TLR6: variants seen among roughly 807,000 people sequenced by gnomAD.
TLR6 encodes the protein toll like receptor 6.
Under a neutral mutation model 16.1 loss-of-function variants are expected in TLR6, and 9 were observed. The ratio of observed to expected loss-of-function variants is 0.56; its 90% confidence interval spans 0.34 to 0.98. The LOEUF (loss-of-function observed/expected upper bound fraction) is 0.98, where lower values mean the gene tolerates loss of function less well. TLR6 is among the 50% of genes least tolerant of loss of function. TLR6 has a pLI of 0.02. For missense variants in TLR6, 786 were observed against 921.0 expected (o/e 0.85, Z 1.90); for synonymous variants, 340 against 338.6 (o/e 1.00, Z -0.04).
exon 2 of TLR6, chr4:38,825,330 T>G (rs914717903): frequency 6.6e-6 from 1 of 152,260 alleles, no homozygotes; most frequent in African/African-American, 2.4e-5. Flanking sequence ...TTCAAAAATC[T>G]GCTTGGCCTT....
chr4:38,826,768 C>T (rs1252704600), exon 2 of TLR6: 1 of 196,826 alleles, frequency 5.1e-6, no homozygotes, highest in Non-Finnish European at 1.0e-5. Flanking sequence ...TGCCATGAAG[C>T]CATATAAACT....
At chr4:38,829,466 T>G in exon 2 of TLR6, 1 of 1,608,138 alleles carries the variant, frequency 6.2e-7, no homozygotes, top group Non-Finnish European at 8.5e-7. Flanking sequence ...TTCTTTGTCT[T>G]TGGTCATGAT....
At chr4:38,850,122 A>T (rs1165580952) in intron 1 of TLR6, among the ~76,000 whole-genome samples, 1 of 152,200 alleles carries the variant, frequency 6.6e-6, no homozygotes, top group Admixed American at 6.5e-5. Flanking sequence ...CCTGCTCCTG[A>T]ATGACTACTG....
chr4:38,842,853 T>TTC (rs1491221551), intron 1 of TLR6, among the ~76,000 whole-genome samples: 1 of 84,582 alleles, frequency 1.2e-5, no homozygotes, highest in Non-Finnish European at 2.9e-5. Flanking sequence ...TATACTGTGC[T>TTC]TTTTTTTTTT....
At position 38,827,663 on chromosome 4, in the gene TLR6, G is replaced by T. The variant is rs56039132; in HGVS notation, c.1811C>A (p.Ser604Tyr). The change falls in exon 2 of 2, where the codon TCC (serine) becomes TAC (tyrosine). Residue 604 changes from serine to tyrosine, a missense_variant. Coordinates refer to ENST00000436693, the Ensembl canonical transcript of TLR6. ...GGGCAGATCCAAGTAGATGCAGAGG[G>T]AGGTCACAGTCACAGCCAACACCAG... is the stretch of plus-strand genomic sequence containing the variant. The T allele has an allele frequency of 1.9e-5, 30 of 1,614,088 alleles. No homozygotes were observed. In the South Asian group the frequency reaches 3.1e-4, roughly 17 times the overall value.
At chr4:38,864,146 T>G in the TLR6 span, among the ~76,000 whole-genome samples, 1 of 152,226 alleles carries the variant, frequency 6.6e-6, no homozygotes, top group African/African-American at 2.4e-5. Flanking sequence ...TGACCACAGT[T>G]GGTCCTACCC....
intron 1 of TLR6, among the ~76,000 whole-genome samples, chr4:38,843,184 G>A (rs1475284666): frequency 6.6e-6 from 1 of 152,204 alleles, no homozygotes; most frequent in Admixed American, 6.5e-5. Flanking sequence ...CTGAGGCAGG[G>A]CGGCAGGTGC....
intron 1 of TLR6, among the ~76,000 whole-genome samples, chr4:38,854,884 T>A (rs1163147549): frequency 2.0e-5 from 3 of 152,108 alleles, no homozygotes; most frequent in Non-Finnish European, 4.4e-5. Flanking sequence ...TACTGTACTT[T>A]GAAAAAATGA....
At chr4:38,853,686 C>A (rs1289317530) in intron 1 of TLR6, among the ~76,000 whole-genome samples, 1 of 152,180 alleles carries the variant, frequency 6.6e-6, no homozygotes, top group African/African-American at 2.4e-5. Context: ...ACAATCATAG[C>A]TTAAGGTCCT....
exon 2 of TLR6, chr4:38,828,669 C>T (rs779923493): frequency 6.2e-7 from 1 of 1,614,140 alleles, no homozygotes; most frequent in Non-Finnish European, 8.5e-7. Context: ...AATTGAAAGA[C>T]TCTGACCAGG....
chr4:38,861,593 G>C (rs1379437738), upstream of TLR6, among the ~76,000 whole-genome samples: 1 of 152,170 alleles, frequency 6.6e-6, no homozygotes, highest in Non-Finnish European at 1.5e-5. Context: ...CTGAGCTTGA[G>C]TGGCTGAATA....
the TLR6 span, among the ~76,000 whole-genome samples, chr4:38,865,563 T>C: frequency 6.6e-6 from 1 of 152,154 alleles, no homozygotes; most frequent in Admixed American, 6.5e-5. Context: ...TTGCTGTCTC[T>C]GGGCAGGAGC....
chr4:38,844,156 C>A (rs1488941150), intron 1 of TLR6, among the ~76,000 whole-genome samples: 1 of 152,270 alleles, frequency 6.6e-6, no homozygotes, highest in Non-Finnish European at 1.5e-5. Context: ...GGCAGGGAAC[C>A]ACTTTAGGGA....
At chr4:38,830,817 AT>A (rs1457243517) in intron 1 of TLR6, among the ~76,000 whole-genome samples, 1 of 152,256 alleles carries the variant, frequency 6.6e-6, no homozygotes, top group Non-Finnish European at 1.5e-5. Context: ...ATTTAAAAAA[AT>A]AAAAATCAAA....
At chr4:38,865,162 G>A in the TLR6 span, among the ~76,000 whole-genome samples, 1 of 151,814 alleles carries the variant, frequency 6.6e-6, no homozygotes, top group African/African-American at 2.4e-5. Context: ...AATAAATACT[G>A]CAAAAAATTT....
chr4:38,863,248 TC>T, the TLR6 span, among the ~76,000 whole-genome samples: 1 of 152,120 alleles, frequency 6.6e-6, no homozygotes, highest in Non-Finnish European at 1.5e-5. Context: ...AGACCCCATA[TC>T]CCACTCCCCA....
intron 1 of TLR6, among the ~76,000 whole-genome samples, chr4:38,854,382 A>G (rs1323283013): frequency 6.6e-6 from 1 of 152,222 alleles, no homozygotes; most frequent in Non-Finnish European, 1.5e-5. Context: ...TTTTAGGAAA[A>G]TGTAATTTTT....
chr4:38,833,588 C>G (rs979499035), intron 1 of TLR6, among the ~76,000 whole-genome samples: 1 of 152,194 alleles, frequency 6.6e-6, no homozygotes, highest in Non-Finnish European at 1.5e-5. Context: ...TTGGAAGCAG[C>G]AGCTATTACA....
chr4:38,847,510 G>A (rs923246179), intron 1 of TLR6, among the ~76,000 whole-genome samples: 3 of 36 alleles, frequency 0.083, no homozygotes, highest in African/African-American at 0.3. Flanking sequence ...GGAAGCACAA[G>A]GGGTCAGGAA....
Sources: gnomAD v4.1 joint callset for allele counts (sites outside exome capture counted in the v4.1 genomes callset) on GRCh38, gnomAD v4.1.1 for gene constraint, MANE v1.5 for transcripts, NCBI Gene and HGNC (gene_info 2026-07-23, HGNC 2026-07-21) for gene names.